The following MRPL38 variants were observed in gnomAD, a reference collection of about 807,000 sequenced individuals.
The protein encoded by MRPL38 is mitochondrial ribosomal protein L38.
Under a neutral mutation model 52.1 loss-of-function variants are expected in MRPL38, and 51 were observed. That is an observed-to-expected ratio of 0.98 (90% CI 0.78 to 1.24). The LOEUF is 1.24. Among genes scored for constraint, MRPL38 ranks in the 50% most tolerant of loss-of-function variants. MRPL38 has a pLI of 0.00. For synonymous variants in MRPL38, 245 were observed against 212.7 expected, an observed-to-expected ratio of 1.15 and a Z score of -1.32; for missense variants, 527 against 518.6, an observed-to-expected ratio of 1.02 and a Z score of -0.16.
Position 75,901,715 on chromosome 17 carries a change from G to A in MRPL38, c.588C>T (p.Thr196=), listed in dbSNP as rs778507758. The change falls in exon 4 of 9, where the codon ACC becomes ACT. Residue 196 remains threonine (T), a synonymous_variant. Coordinates refer to ENST00000309352, the MANE Select transcript of MRPL38 (RefSeq NM_032478.4). The surrounding 1 kb of genome is among the most constrained non-coding windows in gnomAD (Gnocchi z 5.7). ...AGGGGCACAAGTGAGTGGTTACCTC[G>A]GTTGGAGTCACCTCATTGCCACAGT... The part of the protein sequence containing the change: ...PVYCGNEVTP[T]EAAQAPEVTY... The A allele has an allele frequency of 5.0e-6, 8 of 1,613,688 alleles. No homozygotes were observed. Among genetic ancestry groups the A allele is most frequent in the South Asian group, 2.2e-5 (2 of 91,054 alleles).
chr17:75,901,964 C>G lies in MRPL38; in HGVS notation c.383-44G>C. 6.3e-7 allele frequency: 1 copy of G among 1,599,022 alleles called. No individual in the cohort carries two copies. Among genetic ancestry groups the G allele is most frequent in the Non-Finnish European group, 8.6e-7 (1 of 1,168,938 alleles). On this transcript the variant is annotated intron_variant, in intron 3 of 8. Transcript: ENST00000309352. The surrounding 1 kb of genome is among the most constrained non-coding windows in gnomAD (Gnocchi z 5.7). The stretch of plus-strand genomic sequence containing the variant: ...AGTTGGGATACGGGGGTGGGGGGGG[C>G]AGGGACACACCCTGTACCCCAACTC...
rs766485382 is a variant in MRPL38 at position 75,898,915 on chromosome 17, G to A, written c.1078C>T (p.Arg360Trp). 13 of 1,610,744 alleles carry A rather than the reference G, an allele frequency of 8.1e-6. No individual in the cohort carries two copies. Among genetic ancestry groups the A allele is most frequent in the Middle Eastern group, 1.6e-4 (1 of 6,076 alleles). ...YHPKQKRFPH[R>W]QPLRYLDRYR... ...CGGTCCAGGTAGCGCAGGGGCTGCC[G>A]GTGGGGGAAGCGCTTCTGCTTGGGG... is the stretch of plus-strand genomic sequence containing the variant. The change falls in exon 9 of 9, where the codon CGG becomes TGG. Residue 360 changes from arginine to tryptophan, a missense_variant. Arg to Trp is a moderately radical substitution (Grantham distance 101). Transcript: ENST00000309352.
chr17:75,904,879 C>G lies in MRPL38; in HGVS notation c.-4G>C. 6.6e-7 allele frequency: 1 copy of G among 1,526,098 alleles called. No individual in the cohort carries two copies. Among genetic ancestry groups the G allele is most frequent in the Non-Finnish European group, 8.7e-7 (1 of 1,143,408 alleles). 94.5% of individuals were successfully genotyped at this position (1,526,098 alleles called of 1,614,324 possible). ...CTCGCCACCAGGGCGCCGCCATCTT[C>G]CCTCCGGCCTGCGACACTGCGGCCG... On this transcript the variant is annotated 5_prime_UTR_variant, in exon 1 of 9. Coordinates refer to ENST00000309352, the MANE Select transcript of MRPL38 (RefSeq NM_032478.4).
chr17:75,898,673 C>T lies in MRPL38; in HGVS notation c.*177G>A, dbSNP rs1255101868. 7.4e-6 allele frequency: 5 copies of T among 672,882 alleles called. No individual in the cohort carries two copies. Among genetic ancestry groups the T allele is most frequent in the Non-Finnish European group, 1.2e-5 (5 of 403,166 alleles). 41.7% of individuals were successfully genotyped at this position (672,882 alleles called of 1,614,324 possible). A position where few individuals can be genotyped will look rare whatever the true frequency, so the allele number is the denominator to read the frequency against. ...GCAAGAAATCATGTTTATTCACATT[C>T]CCCACCCCACCACCTGAGAGTCACT... On this transcript the variant is annotated 3_prime_UTR_variant, in exon 9 of 9. Coordinates refer to ENST00000309352, the MANE Select transcript of MRPL38 (RefSeq NM_032478.4).
At position 75,900,734 on chromosome 17, in the gene MRPL38, A is replaced by G. The variant is rs187783603; in HGVS notation, c.710+248T>C. ...AGACCCTGTCTCAAAAAAAAAAAAA[A>G]AAAAGAAAAGAAAAGATGAGGAGGC... On this transcript the variant is annotated intron_variant, in intron 6 of 8. Transcript: ENST00000309352. 749 of 1,319,294 alleles carry G rather than the reference A, an allele frequency of 5.7e-4. 10 individuals carry two copies. In the East Asian group the frequency reaches 0.014, roughly 25 times the overall value. 81.7% of individuals were successfully genotyped at this position (1,319,294 alleles called of 1,614,324 possible).
chr17:75,900,720 CAA>C (rs5822109), intron 6 of MRPL38: 102,873 of 997,674 alleles, frequency 0.1, 128 homozygotes, highest in Middle Eastern at 0.16. Context: ...GACCCTGTCT[CAA>C]AAAAAAAAAA....
At chr17:75,904,086 T>C in intron 2 of MRPL38, 1 of 362,404 alleles carries the variant, frequency 2.8e-6, no homozygotes, top group Non-Finnish European at 5.6e-6. Flanking sequence ...CAGCAAAGTA[T>C]TGCACATGTA....
chr17:75,904,880 C>T lies in MRPL38; in HGVS notation c.-5G>A. 6.6e-7 allele frequency: 1 copy of T among 1,525,786 alleles called. No individual in the cohort carries two copies. The allele number at this position is 1,525,786 out of a possible 1,614,324, so 94.5% of individuals were successfully genotyped here. A position where few individuals can be genotyped will look rare whatever the true frequency, so the allele number is the denominator to read the frequency against. Reference sequence around the variant, plus strand: ...TCGCCACCAGGGCGCCGCCATCTTCCCTCCGGCCTGCGACACTGCGGCCGC... The same window carrying T: ...TCGCCACCAGGGCGCCGCCATCTTCTCTCCGGCCTGCGACACTGCGGCCGC... On this transcript the variant is annotated 5_prime_UTR_variant, in exon 1 of 9. Coordinates refer to ENST00000309352, the MANE Select transcript of MRPL38 (RefSeq NM_032478.4).
Position 75,904,629 on chromosome 17 carries a change from C to T in MRPL38, c.158G>A (p.Ser53Asn). The change falls in exon 2 of 9, where the codon AGC becomes AAC. Residue 53 changes from serine (S) to asparagine (N), a missense_variant. Transcript: ENST00000309352. ...TGCTCGGCGCCGGTAGCGGTCGAAG[C>T]TCCGGTACTTCTCCAGCCGCTCCAG... ...SNLERLEKYR[S>N]FDRYRRRAEQ... is the part of the protein sequence containing the mutation. 1 of 1,595,240 alleles carries T rather than the reference C, an allele frequency of 6.3e-7. No individual in the cohort carries two copies. Among genetic ancestry groups the T allele is most frequent in the Non-Finnish European group, 8.5e-7 (1 of 1,177,782 alleles).
In MRPL38 at chr17:75,904,522, G is replaced by A; in HGVS notation, c.247+18C>T. On this transcript the variant is annotated intron_variant, in intron 2 of 8. Coordinates refer to ENST00000309352, the MANE Select transcript of MRPL38 (RefSeq NM_032478.4). ...TCCCCGGGCGGTGGCTGCAGCCCCT[G>A]CTCCAGTCGCCCCGCACCTGTCTTC... is the stretch of plus-strand genomic sequence containing the variant. The A allele has an allele frequency of 6.6e-7, 1 of 1,513,728 alleles. No homozygotes were observed. The highest frequency in any genetic ancestry group is 8.8e-7 in the Non-Finnish European group (1 of 1,139,438). 93.8% of individuals were successfully genotyped at this position (1,513,728 alleles called of 1,614,324 possible).
At chr17:75,899,741 A>G in intron 6 of MRPL38, 67 bp from the exon 7 acceptor site, 1 of 1,365,074 alleles carries the variant, frequency 7.3e-7, no homozygotes, top group Non-Finnish European at 9.8e-7. Context: ...CCTCAGCTCC[A>G]TGCACACCCT....
intron 6 of MRPL38, chr17:75,900,045 T>C (rs1438494978): frequency 6.2e-6 from 1 of 162,446 alleles, no homozygotes; most frequent in African/African-American, 2.4e-5. Flanking sequence ...CGTCAGGGAG[T>C]GTGTGCCCAG....
At chr17:75,902,341 G>A in intron 2 of MRPL38, 187 bp from the exon 3 acceptor site, 1 of 637,980 alleles carries the variant, frequency 1.6e-6, no homozygotes, top group South Asian at 2.0e-5. Context: ...GGGCTCAAGT[G>A]ATCTGCCTGC....
At chr17:75,899,475 G>A in intron 7 of MRPL38, 41 bp downstream of exon 7, 1 of 1,548,448 alleles carries the variant, frequency 6.5e-7, no homozygotes, top group Non-Finnish European at 8.7e-7. Flanking sequence ...TTCCAGGGGA[G>A]CTGGCCTGAG....
chr17:75,899,880 G>T (rs1221008423), intron 6 of MRPL38: 2 of 387,740 alleles, frequency 5.2e-6, no homozygotes, highest in Non-Finnish European at 9.1e-6. Context: ...AGCTCCGAGT[G>T]GGGGACAGGG....
At position 75,901,320 on chromosome 17, in the gene MRPL38, G is replaced by C; in HGVS notation, c.592-47C>G. The C allele has an allele frequency of 6.3e-7, 1 of 1,584,038 alleles. No individual in the cohort carries two copies. Among genetic ancestry groups the C allele is most frequent in the Non-Finnish European group, 8.6e-7 (1 of 1,158,398 alleles). ...TGTCAGCCCCACCAGGGACAGGCCA[G>C]CTGTTGCAGGGAGCCTTGGAGAAAG... On this transcript the variant is annotated intron_variant, in intron 4 of 8. Coordinates refer to ENST00000309352, the MANE Select transcript of MRPL38 (RefSeq NM_032478.4). This position sits in a 1 kb window ranked among gnomAD's most constrained non-coding sequence, Gnocchi z 5.7.
rs2065404789 is a variant in MRPL38 at position 75,901,638 on chromosome 17, G to A, written c.591+74C>T. 1 of 1,303,558 alleles carries A rather than the reference G, an allele frequency of 7.7e-7. No homozygotes were observed. The highest frequency in any genetic ancestry group is 1.1e-6 in the Non-Finnish European group (1 of 905,182). The allele number at this position is 1,303,558 out of a possible 1,614,324, so 80.7% of individuals were successfully genotyped here. A position where few individuals can be genotyped will look rare whatever the true frequency, so the allele number is the denominator to read the frequency against. ...GAACAACAAAATTCCAAACCCAGGAGTGTCTGTGACACTGAGATGGGATGT... is the reference window on the plus strand; with the variant it reads ...GAACAACAAAATTCCAAACCCAGGAATGTCTGTGACACTGAGATGGGATGT... On this transcript the variant is annotated intron_variant, in intron 4 of 8. Coordinates refer to ENST00000309352, the MANE Select transcript of MRPL38 (RefSeq NM_032478.4). The surrounding 1 kb of genome is among the most constrained non-coding windows in gnomAD (Gnocchi z 5.7).
intron 2 of MRPL38, among the ~76,000 whole-genome samples, chr17:75,903,269 C>T (rs1336395702): frequency 2.6e-5 from 4 of 152,086 alleles, no homozygotes; most frequent in South Asian, 4.1e-4. Context: ...ATTAGCTGGG[C>T]GTGGTGGCGC....
intron 1 of MRPL38, 42 bp downstream of exon 1, chr17:75,904,767 A>ACGGGGGGGG: frequency 1.5e-6 from 1 of 665,822 alleles, no homozygotes; most frequent in Non-Finnish European, 2.2e-6. Context: ...AGCTCGGGCG[A>ACGGGGGGGG]CAGCCCCCCC....
Sources: allele counts gnomAD v4.1 joint callset (sites outside exome capture counted in the v4.1 genomes callset), GRCh38; gene constraint gnomAD v4.1.1; non-coding constraint Gnocchi (gnomAD v3.1); transcripts MANE v1.5; gene names NCBI Gene and HGNC (gene_info 2026-07-23, HGNC 2026-07-21).